SOX30: variants seen among roughly 807,000 people sequenced by gnomAD.
The protein encoded by SOX30 is SRY-box transcription factor 30.
A neutral mutation model predicts 58.6 loss-of-function variants in SOX30; 17 were observed. The ratio of observed to expected loss-of-function variants is 0.29; its 90% CI spans 0.20 to 0.44. The LOEUF (loss-of-function observed/expected upper bound fraction) is 0.44. SOX30 is among the 20% of genes least tolerant of loss of function. The pLI, the probability that SOX30 is intolerant of heterozygous loss-of-function variation, is 1.00. For missense variants in SOX30, 951 were observed against 965.8 expected (o/e 0.98, Z 0.20); for synonymous variants, 421 against 400.2 (o/e 1.05, Z -0.62).
At chr5:157,635,839 T>C (rs1046224966) in intron 4 of SOX30, among the ~76,000 whole-genome samples, 2 of 152,190 alleles carry the variant, frequency 1.3e-5, no homozygotes, top group Middle Eastern at 3.2e-3. Context: ...TTATTCAAAA[T>C]ATATTTTTTC....
Position 157,648,778 on chromosome 5 carries a change from G to A in SOX30, c.1086C>T (p.Ala362=). ...RPALAKANPA[A]NNAEISVQLG... is the part of the protein sequence containing the mutation. ...GCTGGACACTGATTTCTGCATTGTTGGCTGCTGGGTTAGCTTTGGCTAGTG... is the reference window on the plus strand; with the variant it reads ...GCTGGACACTGATTTCTGCATTGTTAGCTGCTGGGTTAGCTTTGGCTAGTG... The change falls in exon 2 of 5, where the codon GCC becomes GCT. Residue 362 remains alanine (A), a synonymous_variant. Transcript: ENST00000265007. 6.2e-7 allele frequency: 1 copy of A among 1,613,242 alleles called. No individual in the cohort carries two copies. Among genetic ancestry groups the A allele is most frequent in the South Asian group, 1.1e-5 (1 of 91,002 alleles).
intron 4 of SOX30, among the ~76,000 whole-genome samples, chr5:157,631,053 A>ATATATACAATATATATATTT (rs1561578497): frequency 6.5e-5 from 3 of 45,808 alleles, no homozygotes; most frequent in African/African-American, 2.1e-4. Flanking sequence ...TATTTTATAT[A>ATATATACAATATATATATTT]TATATATATA....
At chr5:157,650,903 T>A (rs1412277899) in intron 1 of SOX30, among the ~76,000 whole-genome samples, 2 of 152,244 alleles carry the variant, frequency 1.3e-5, no homozygotes, top group Non-Finnish European at 1.5e-5. Context: ...ATCGATTTTT[T>A]AAAAAATACT....
chr5:157,649,708 T>C (rs1759280715), intron 1 of SOX30, among the ~76,000 whole-genome samples: 1 of 152,162 alleles, frequency 6.6e-6, no homozygotes, highest in Non-Finnish European at 1.5e-5. Context: ...GAGAATCGCT[T>C]GAACCCAGGA....
At chr5:157,647,481 C>T (rs530803525) in intron 2 of SOX30, among the ~76,000 whole-genome samples, 2 of 152,260 alleles carry the variant, frequency 1.3e-5, no homozygotes, top group Admixed American at 6.5e-5. Flanking sequence ...CTCACTATGA[C>T]ATTATTCATC....
At position 157,651,777 on chromosome 5, in the gene SOX30, A is replaced by C. The variant is rs761174824; in HGVS notation, c.302T>G (p.Leu101Trp). 6 of 1,564,498 alleles carry C rather than the reference A, an allele frequency of 3.8e-6. No individual in the cohort carries two copies. The South Asian group carries it at 5.8e-5, about 15-fold the overall frequency. Residue 101 changes from leucine to tryptophan, a missense_variant, in exon 1 of 5, where the codon TTG (leucine) becomes TGG (tryptophan). This residue lies in a region of SOX30 where 363 missense variants were observed against 294.5 expected (regional missense o/e 1.23). Coordinates refer to ENST00000265007, the MANE Select transcript of SOX30 (RefSeq NM_178424.2). ...AAASSAQARL[L>W]QFRPDLRLLQ... Reference sequence around the variant, plus strand: ...GAGCCGCAGGTCGGGCCTGAACTGCAACAGCCGCGCCTGCGCGGACGAGGC... The same window carrying C: ...GAGCCGCAGGTCGGGCCTGAACTGCCACAGCCGCGCCTGCGCGGACGAGGC...
intron 3 of SOX30, among the ~76,000 whole-genome samples, chr5:157,644,938 G>A (rs1253095073): frequency 1.3e-5 from 2 of 152,092 alleles, no homozygotes; most frequent in African/African-American, 4.8e-5. Context: ...CCGAGATCGC[G>A]CCACTACACT....
rs116114972 is a variant in SOX30 at position 157,651,860 on chromosome 5, C to T, written c.219G>A (p.Val73=). The part of the protein sequence containing the change: ...LQPAVRRLLQ[V]KPEQVLLLPQ... ...GTAGCAGCAACACCTGCTCTGGCTT[C>T]ACCTGCAGCAGCCGCCGCACCGCGG... The change falls in exon 1 of 5, where the codon GTG becomes GTA. Residue 73 remains valine (V), a synonymous_variant. Coordinates refer to ENST00000265007, the MANE Select transcript of SOX30 (RefSeq NM_178424.2). The T allele has an allele frequency of 4.5e-4, 700 of 1,568,466 alleles. 6 individuals are homozygous for T. In the African/African-American group the frequency reaches 8.3e-3, roughly 18 times the overall value.
intron 2 of SOX30, chr5:157,667,770 AC>A: frequency 1.5e-5 from 18 of 1,190,802 alleles, no homozygotes; most frequent in Non-Finnish European, 2.0e-5. Context: ...ACATACACAC[AC>A]ACACACACAC....
chr5:157,648,581 C>T (rs1177430352), intron 2 of SOX30, 76 bp downstream of exon 2: 63 of 1,397,042 alleles, frequency 4.5e-5, no homozygotes, highest in Non-Finnish European at 6.0e-5. Context: ...TTTTGTCTTT[C>T]AATCTCAACC....
At chr5:157,654,595 G>A (rs1034744778), upstream of SOX30, among the ~76,000 whole-genome samples, 3 of 152,134 alleles carry the variant, frequency 2.0e-5, no homozygotes, top group African/African-American at 7.2e-5. Context: ...GGTAAAATGA[G>A]GCTGAAACAT....
chr5:157,653,340 G>T (rs1398347494), upstream of SOX30, among the ~76,000 whole-genome samples: 8 of 108,172 alleles, frequency 7.4e-5, no homozygotes, highest in African/African-American at 5.9e-4. Context: ...TGATTCCACT[G>T]CCTCTCCCAC....
intron 4 of SOX30, among the ~76,000 whole-genome samples, chr5:157,629,647 A>C (rs1348919296): frequency 6.6e-6 from 1 of 152,242 alleles, no homozygotes; most frequent in Non-Finnish European, 1.5e-5. Context: ...AATATTATCC[A>C]ATATGTAAGC....
chr5:157,644,703 T>C (rs1759146829), intron 3 of SOX30, among the ~76,000 whole-genome samples: 1 of 152,126 alleles, frequency 6.6e-6, no homozygotes, highest in South Asian at 2.1e-4. Flanking sequence ...TAACACAGGC[T>C]GGGCATGGTG....
Position 157,652,278 on chromosome 5 carries a change from GCT to G in SOX30, c.-202_-201del. On this transcript the variant is annotated 5_prime_UTR_variant, in exon 1 of 5. An upstream open reading frame in the 5' UTR loses its in-frame stop. Coordinates refer to ENST00000265007, the MANE Select transcript of SOX30 (RefSeq NM_178424.2). ...CGGCCAATCACAGGCGGGTTTTCCG[GCT>G]CTTCCTGGTCCCTACTCTCGCCTCG... 1.6e-6 allele frequency: 2 copies of G among 1,250,476 alleles called. No individual in the cohort carries two copies. The allele number at this position is 1,250,476 out of a possible 1,614,324, so 77.5% of individuals were successfully genotyped here.
At position 157,646,626 on chromosome 5, in the gene SOX30, A is replaced by C. The variant is rs567180301; in HGVS notation, c.1387+11T>G. The stretch of plus-strand genomic sequence containing the variant: ...TTTAAAAAATAGTAATCTACAATAA[A>C]ACTAACTCACCAACTGGATGAGTGA... On this transcript the variant is annotated intron_variant, in intron 3 of 4. Transcript: ENST00000265007. The C allele has an allele frequency of 1.3e-6, 2 of 1,585,058 alleles. No homozygotes were observed. The highest frequency in any genetic ancestry group is 1.7e-6 in the Non-Finnish European group (2 of 1,166,536).
chr5:157,655,460 T>G (rs538323157), upstream of SOX30, among the ~76,000 whole-genome samples: 7 of 152,316 alleles, frequency 4.6e-5, no homozygotes, highest in South Asian at 4.1e-4. Flanking sequence ...AAGAACAGGT[T>G]TGGCACTACG....
At chr5:157,639,372 TTAAAC>T (rs1332345881) in intron 3 of SOX30, among the ~76,000 whole-genome samples, 2 of 152,140 alleles carry the variant, frequency 1.3e-5, no homozygotes, top group African/African-American at 4.8e-5. Context: ...CTTCTCTATA[TTAAAC>T]TAAATTATAA....
At position 157,651,740 on chromosome 5, in the gene SOX30, C is replaced by G. The variant is rs61732988; in HGVS notation, c.339G>C (p.Pro113=). The part of the protein sequence containing the change: ...FRPDLRLLQP[P]TASDGATSRP... The stretch of plus-strand genomic sequence containing the variant: ...TGGAGGTGGCGCCGTCTGACGCTGT[C>G]GGCGGCTGCAGGAGCCGCAGGTCGG... The change falls in exon 1 of 5, where the codon CCG becomes CCC. Residue 113 remains proline, a synonymous_variant. Transcript: ENST00000265007. 2,428 of 1,560,164 alleles carry G rather than the reference C, an allele frequency of 1.6e-3. 31 individuals are homozygous for G. The African/African-American group carries it at 0.029, about 19-fold the overall frequency.
Sources: gnomAD v4.1 joint callset for allele counts (sites outside exome capture counted in the v4.1 genomes callset) on GRCh38, gnomAD v4.1.1 for gene constraint, gnomAD v4.1.1 regional missense constraint, MANE v1.5 for transcripts, NCBI Gene and HGNC (gene_info 2026-07-23, HGNC 2026-07-21) for gene names.